The following PTPRG variants were observed in gnomAD, a reference collection of about 807,000 sequenced individuals.
PTPRG encodes protein tyrosine phosphatase receptor type G, also known as receptor-type tyrosine-protein phosphatase gamma.
In PTPRG, 102 loss-of-function variants were observed where a neutral mutation model predicts 165.3. The observed-to-expected ratio is 0.62, with a 90% CI of 0.53 to 0.73. PTPRG has a LOEUF of 0.73. Ranked by LOEUF, PTPRG falls within the 30% of genes least tolerant of loss-of-function variation. The probability of loss-of-function intolerance (pLI) is 0.00; values close to 1 mark genes in which losing one functional copy is unlikely to be tolerated. For synonymous variants in PTPRG, 675 were observed against 669.5 expected (o/e 1.01, Z -0.13); for missense variants, 1,866 against 1,861.4 (o/e 1.00, Z -0.05).
At chr3:62,019,220 T>G (rs993525499) in intron 4 of PTPRG, among the ~76,000 whole-genome samples, 6 of 152,044 alleles carry the variant, frequency 3.9e-5, no homozygotes, top group Admixed American at 1.3e-4. Context: ...TCCCCATACT[T>G]CTATCAAAAA....
chr3:61,601,757 G>A (rs1055878672), intron 1 of PTPRG, among the ~76,000 whole-genome samples: 4 of 152,176 alleles, frequency 2.6e-5, no homozygotes, highest in African/African-American at 9.7e-5. Flanking sequence ...GATAGAAGGT[G>A]ACATGTGTCA....
At chr3:62,044,201 T>G (rs1700216053) in intron 4 of PTPRG, among the ~76,000 whole-genome samples, 1 of 152,246 alleles carries the variant, frequency 6.6e-6, no homozygotes, top group Non-Finnish European at 1.5e-5. Flanking sequence ...TGAGCACTAC[T>G]GAGCAAGTCA....
At chr3:61,779,997 G>A (rs558928225) in intron 2 of PTPRG, among the ~76,000 whole-genome samples, 1 of 152,154 alleles carries the variant, frequency 6.6e-6, no homozygotes, top group Non-Finnish European at 1.5e-5. Context: ...CCCAAAGAAA[G>A]TATTGGTACC....
intron 2 of PTPRG, among the ~76,000 whole-genome samples, chr3:61,871,578 C>G (rs1467079771): frequency 6.6e-6 from 1 of 152,138 alleles, no homozygotes; most frequent in Non-Finnish European, 1.5e-5. Context: ...AGTTCATCCT[C>G]TGGGCCCTGT....
intron 1 of PTPRG, among the ~76,000 whole-genome samples, chr3:61,600,130 A>C (rs112055457): frequency 0.085 from 12,584 of 148,752 alleles, 591 homozygotes; most frequent in Middle Eastern, 0.12. Flanking sequence ...ACTATACTCC[A>C]GCCTGGGCGA....
chr3:62,282,444 G>C (rs943494619), intron 27 of PTPRG, among the ~76,000 whole-genome samples: 1 of 149,894 alleles, frequency 6.7e-6, no homozygotes, highest in African/African-American at 2.5e-5. Context: ...TGCCCAGGTG[G>C]GTCTTGAACT....
At chr3:62,218,761 C>T (rs1474549330) in intron 12 of PTPRG, 90 bp from the exon 13 acceptor site, 6 of 1,474,986 alleles carry the variant, frequency 4.1e-6, no homozygotes, top group Non-Finnish European at 5.5e-6. Context: ...TCGCCAGAAA[C>T]CACACAAAAC....
intron 2 of PTPRG, among the ~76,000 whole-genome samples, chr3:61,982,853 A>T (rs2040672891): frequency 6.6e-6 from 1 of 152,184 alleles, no homozygotes; most frequent in Non-Finnish European, 1.5e-5. Context: ...TAATGGTATT[A>T]AAAAATGAAC....
chr3:61,814,413 C>T (rs1446168412), intron 2 of PTPRG, among the ~76,000 whole-genome samples: 1 of 152,158 alleles, frequency 6.6e-6, no homozygotes, highest in African/African-American at 2.4e-5. Context: ...AGTTTTTTAT[C>T]AGAGAGTAAA....
At chr3:61,986,407 G>A (rs2040763845) in intron 2 of PTPRG, among the ~76,000 whole-genome samples, 1 of 152,142 alleles carries the variant, frequency 6.6e-6, no homozygotes, top group East Asian at 1.9e-4. Flanking sequence ...AAGAACCCCT[G>A]TGTATCTCTC....
chr3:61,863,801 C>CTT (rs1200101304), intron 2 of PTPRG, among the ~76,000 whole-genome samples: 1 of 152,160 alleles, frequency 6.6e-6, no homozygotes, highest in Admixed American at 6.5e-5. Flanking sequence ...GTAAGGCCAC[C>CTT]TTTGAATGTG....
chr3:61,646,677 ATGTG>A (rs1702209526), intron 1 of PTPRG, among the ~76,000 whole-genome samples: 1 of 152,128 alleles, frequency 6.6e-6, no homozygotes, highest in Admixed American at 6.5e-5. Flanking sequence ...TGTGGTGTGT[ATGTG>A]TATGTATAGT....
chr3:62,079,796 T>C (rs1431473496), intron 5 of PTPRG, among the ~76,000 whole-genome samples: 1 of 152,238 alleles, frequency 6.6e-6, no homozygotes, highest in Non-Finnish European at 1.5e-5. Flanking sequence ...ATTTAAACTT[T>C]TCAATCTCAG....
At chr3:61,817,914 G>C (rs1470205983) in intron 2 of PTPRG, among the ~76,000 whole-genome samples, 1 of 152,072 alleles carries the variant, frequency 6.6e-6, no homozygotes, top group African/African-American at 2.4e-5. Flanking sequence ...GAACTGCTGG[G>C]GGTAGAAGTC....
rs756094185 is a variant in PTPRG, at chr3:62,168,179, G to T, written c.1033+16G>T. 1.3e-5 allele frequency: 21 copies of T among 1,594,080 alleles called. No individual in the cohort carries two copies. The African/African-American group carries it at 2.3e-4, about 17-fold the overall frequency. On this transcript the variant is annotated intron_variant, in intron 8 of 29. Transcript: ENST00000474889. ...GCCTCTAAAGGTATATTTGGCTTAA[G>T]TGCCTTGCCCAGAGGAAGATTCCTT...
chr3:62,152,594 G>A (rs980954116), intron 6 of PTPRG, among the ~76,000 whole-genome samples: 2 of 152,202 alleles, frequency 1.3e-5, no homozygotes, highest in South Asian at 4.1e-4. Flanking sequence ...TATCAGTAGA[G>A]CACTGTCAGT....
chr3:62,184,969 TCAGA>T (rs1705816858), intron 8 of PTPRG, among the ~76,000 whole-genome samples: 1 of 147,478 alleles, frequency 6.8e-6, no homozygotes, highest in Admixed American at 7.0e-5. Context: ...ACACTGACTT[TCAGA>T]CAGAGCATAT....
chr3:61,923,723 G>T (rs1355200716), intron 2 of PTPRG, among the ~76,000 whole-genome samples: 4 of 145,810 alleles, frequency 2.7e-5, no homozygotes, highest in Admixed American at 6.8e-5. Context: ...TAGAGACAGG[G>T]TCTCACCATG....
At chr3:62,084,641 G>A (rs1216403302) in intron 5 of PTPRG, among the ~76,000 whole-genome samples, 1 of 152,174 alleles carries the variant, frequency 6.6e-6, no homozygotes, top group Non-Finnish European at 1.5e-5. Flanking sequence ...GAAGGCAGGA[G>A]GAGTTCTTGA....
Sources: gnomAD v4.1 joint callset for allele counts (sites outside exome capture counted in the v4.1 genomes callset) on GRCh38, gnomAD v4.1.1 for gene constraint, MANE v1.5 for transcripts, NCBI Gene and HGNC (gene_info 2026-07-23, HGNC 2026-07-21) for gene names.